SPAG16: variants seen among roughly 807,000 people sequenced by gnomAD.
The protein encoded by SPAG16 is sperm-associated antigen 16 protein.
In SPAG16, 86 loss-of-function variants were observed where a neutral mutation model predicts 80.4. The ratio of observed to expected loss-of-function variants is 1.07; its 90% CI spans 0.90 to 1.28. The LOEUF is 1.28. SPAG16 is among the 50% of genes most tolerant of loss of function. The pLI, the probability that SPAG16 is intolerant of heterozygous loss-of-function variation, is 0.00. For synonymous variants in SPAG16, 294 were observed against 265.9 expected (o/e 1.11, Z -1.03); for missense variants, 870 against 765.3 (o/e 1.14, Z -1.61).
At chr2:213,825,424 T>C (rs776263225) in intron 10 of SPAG16, among the ~76,000 whole-genome samples, 8 of 152,120 alleles carry the variant, frequency 5.3e-5, no homozygotes, top group Admixed American at 4.6e-4. Flanking sequence ...TTTAAGATTT[T>C]TGTCATGAAG....
intron 15 of SPAG16, among the ~76,000 whole-genome samples, chr2:214,287,808 T>C (rs1192009575): frequency 6.6e-6 from 1 of 152,222 alleles, no homozygotes; most frequent in Non-Finnish European, 1.5e-5. Context: ...TGAAACAAAA[T>C]GCTTCACCTA....
chr2:213,530,992 A>C (rs1408974045), intron 10 of SPAG16, among the ~76,000 whole-genome samples: 1 of 152,106 alleles, frequency 6.6e-6, no homozygotes, highest in Admixed American at 6.6e-5. Context: ...AATCTTTTTT[A>C]ATTCCTGAAA....
intron 10 of SPAG16, among the ~76,000 whole-genome samples, chr2:213,620,370 G>A (rs2061735841): frequency 7.8e-6 from 1 of 127,526 alleles, no homozygotes; most frequent in Admixed American, 1.0e-4. Context: ...TCCGCTCACT[G>A]CAAGCTCTGC....
intron 10 of SPAG16, among the ~76,000 whole-genome samples, chr2:213,631,513 G>C (rs1484122209): frequency 6.6e-6 from 1 of 152,156 alleles, no homozygotes; most frequent in East Asian, 1.9e-4. Context: ...AGTCTCGTGG[G>C]AAGTGATTGA....
At chr2:213,591,317 T>C (rs1204677700) in intron 10 of SPAG16, among the ~76,000 whole-genome samples, 1 of 152,158 alleles carries the variant, frequency 6.6e-6, no homozygotes, top group Non-Finnish European at 1.5e-5. Context: ...CATTCACACT[T>C]CTAGAAACAC....
intron 10 of SPAG16, among the ~76,000 whole-genome samples, chr2:213,536,178 G>A (rs1386610677): frequency 6.6e-6 from 1 of 151,704 alleles, no homozygotes; most frequent in South Asian, 2.1e-4. Context: ...TTTTCTTCTT[G>A]TTTTTACTCA....
At chr2:214,104,614 G>A (rs1331126545) in intron 13 of SPAG16, among the ~76,000 whole-genome samples, 2 of 151,988 alleles carry the variant, frequency 1.3e-5, no homozygotes, top group East Asian at 1.9e-4. Context: ...CAGGTTTTTG[G>A]TTGCCTTGGT....
At chr2:213,627,529 C>T (rs2062002152) in intron 10 of SPAG16, among the ~76,000 whole-genome samples, 2 of 152,100 alleles carry the variant, frequency 1.3e-5, no homozygotes, top group African/African-American at 2.4e-5. Context: ...TTTCTCCTTC[C>T]TGTATTCAAA....
chr2:213,884,299 G>T (rs138286344), intron 11 of SPAG16, among the ~76,000 whole-genome samples: 2 of 152,088 alleles, frequency 1.3e-5, no homozygotes, highest in Admixed American at 1.3e-4. Flanking sequence ...TTCTTGGTTG[G>T]AATGTCTTTC....
intron 9 of SPAG16, among the ~76,000 whole-genome samples, chr2:213,415,575 A>C (rs540860088): frequency 1.3e-5 from 2 of 152,194 alleles, no homozygotes; most frequent in African/African-American, 4.8e-5. Flanking sequence ...TTTGGTACTT[A>C]TGGGGCAAAT....
chr2:213,329,982 A>G (rs554452546), intron 5 of SPAG16, among the ~76,000 whole-genome samples: 1 of 152,294 alleles, frequency 6.6e-6, no homozygotes, highest in East Asian at 1.9e-4. Context: ...CTTCCATGTG[A>G]TGTTGAGCCT....
At chr2:213,662,235 T>C (rs989321826) in intron 10 of SPAG16, among the ~76,000 whole-genome samples, 1 of 152,118 alleles carries the variant, frequency 6.6e-6, no homozygotes, top group Admixed American at 6.6e-5. Context: ...AACTCAGATC[T>C]GAAGTATGAG....
chr2:214,283,121 A>G (rs902446213), intron 15 of SPAG16, among the ~76,000 whole-genome samples: 7 of 152,118 alleles, frequency 4.6e-5, no homozygotes, highest in African/African-American at 1.7e-4. Context: ...ATAATTATTA[A>G]TAATTATTAA....
chr2:213,736,254 A>G (rs1035358064), intron 10 of SPAG16, among the ~76,000 whole-genome samples: 1 of 152,142 alleles, frequency 6.6e-6, no homozygotes, highest in African/African-American at 2.4e-5. Flanking sequence ...GATAATGATG[A>G]TGACATCAAT....
chr2:213,893,266 C>T (rs983831830), intron 11 of SPAG16, among the ~76,000 whole-genome samples: 1 of 151,982 alleles, frequency 6.6e-6, no homozygotes, highest in African/African-American at 2.4e-5. Context: ...CAAACAAGAG[C>T]TTAAAAGAGT....
intron 10 of SPAG16, among the ~76,000 whole-genome samples, chr2:213,574,374 A>G (rs750142241): frequency 7.2e-5 from 11 of 152,106 alleles, no homozygotes; most frequent in Non-Finnish European, 1.3e-4. Flanking sequence ...GGACAAAGCC[A>G]AATTTTAAGG....
At chr2:213,451,766 T>G (rs931099891) in intron 9 of SPAG16, among the ~76,000 whole-genome samples, 5 of 152,122 alleles carry the variant, frequency 3.3e-5, no homozygotes, top group Non-Finnish European at 5.9e-5. Flanking sequence ...GTGTGCCGTA[T>G]GTTGAGGGCA....
In SPAG16 at chr2:213,914,400, G is replaced by C. The variant is rs565729412; in HGVS notation, c.1215-15560G>C. Reference sequence around the variant, plus strand: ...AGTAGAGGAAAATTTTTCTGTTCTTGTCAACCTTAGCAGAAATTTATTTAT... The same window carrying C: ...AGTAGAGGAAAATTTTTCTGTTCTTCTCAACCTTAGCAGAAATTTATTTAT... On this transcript the variant is annotated intron_variant, in intron 11 of 15. Coordinates refer to ENST00000331683, the MANE Select transcript of SPAG16 (RefSeq NM_024532.5). Among the ~76,000 whole-genome samples the C allele has an allele frequency of 5.3e-5, 8 of 152,074 alleles. No individual in the cohort carries two copies. In the East Asian group the frequency reaches 1.5e-3, roughly 29 times the overall value.
intron 13 of SPAG16, among the ~76,000 whole-genome samples, chr2:214,056,086 G>C (rs2049923904): frequency 6.6e-6 from 1 of 152,008 alleles, no homozygotes; most frequent in Non-Finnish European, 1.5e-5. Context: ...ATGGAATATA[G>C]AGTGGCAAGT....
Sources: gnomAD v4.1 joint callset for allele counts (sites outside exome capture counted in the v4.1 genomes callset) on GRCh38, gnomAD v4.1.1 for gene constraint, MANE v1.5 for transcripts, NCBI Gene and HGNC (gene_info 2026-07-23, HGNC 2026-07-21) for gene names.